Variants in CDH12 observed in about 807,000 individuals in gnomAD.
CDH12 encodes the protein cadherin-12.
Under a neutral mutation model 74.1 loss-of-function variants are expected in CDH12, and 41 were observed. The ratio of observed to expected loss-of-function variants is 0.55; its 90% CI spans 0.43 to 0.72. CDH12 has a LOEUF of 0.72. Ranked by LOEUF, CDH12 falls within the 30% of genes least tolerant of loss-of-function variation. The pLI is 0.00. For missense variants in CDH12, 945 were observed against 977.2 expected (o/e 0.97, Z 0.44); for synonymous variants, 399 against 355.0 (o/e 1.12, Z -1.39).
intron 3 of CDH12, among the ~76,000 whole-genome samples, chr5:22,301,081 T>C (rs1737861988): frequency 6.6e-6 from 1 of 152,210 alleles, no homozygotes; most frequent in Admixed American, 6.5e-5. Context: ...GTGTGGATTT[T>C]ATATACTTTG....
At chr5:22,351,817 CAT>C (rs2150465023) in intron 3 of CDH12, among the ~76,000 whole-genome samples, 1 of 152,250 alleles carries the variant, frequency 6.6e-6, no homozygotes, top group South Asian at 2.1e-4. Context: ...AGCTATTTGA[CAT>C]GTGTAAATCA....
Position 22,064,994 on chromosome 5 carries a change from G to A in CDH12, c.231+13452C>T, listed in dbSNP as rs551694484. Among the ~76,000 whole-genome samples the A allele has an allele frequency of 3.9e-4, 59 of 152,322 alleles. No homozygotes were observed. In the South Asian group the frequency reaches 0.012, roughly 30 times the overall value. On this transcript the variant is annotated intron_variant, in intron 5 of 14. Transcript: ENST00000382254. ...GCACTTGGAAAGCTGGAATGAGCAT[G>A]TTTGGGAAGACCTTGATGAAGCTGG... is the stretch of plus-strand genomic sequence containing the variant.
intron 1 of CDH12, among the ~76,000 whole-genome samples, chr5:22,738,281 AATATTTGC>A (rs1268695735): frequency 3.9e-5 from 6 of 152,058 alleles, no homozygotes; most frequent in African/African-American, 1.4e-4. Context: ...TAATTTTACT[AATATTTGC>A]TTTGCTCTAG....
chr5:22,016,057 T>G (rs534525316), intron 5 of CDH12, among the ~76,000 whole-genome samples: 2 of 152,260 alleles, frequency 1.3e-5, no homozygotes, highest in Admixed American at 1.3e-4. Context: ...TGATTTTCTA[T>G]TAAGATATGG....
intron 9 of CDH12, among the ~76,000 whole-genome samples, chr5:21,811,015 C>A (rs1336233985): frequency 1.3e-5 from 2 of 152,052 alleles, no homozygotes; most frequent in Non-Finnish European, 2.9e-5. Context: ...GACCAACTGG[C>A]ACCTTAGCCG....
At chr5:22,789,151 T>A (rs1240839492) in intron 1 of CDH12, among the ~76,000 whole-genome samples, 1 of 150,284 alleles carries the variant, frequency 6.7e-6, no homozygotes, top group Non-Finnish European at 1.5e-5. Context: ...AGAAAGAAAA[T>A]AAAAGGAAAA....
Position 22,651,060 on chromosome 5 carries a change from C to T in CDH12, c.-522-145696G>A, listed in dbSNP as rs1268070162. On this transcript the variant is annotated intron_variant, in intron 1 of 14. Coordinates refer to ENST00000382254, the MANE Select transcript of CDH12 (RefSeq NM_004061.5). ...AGATTTCCAATTATAAGATAACTTA[C>T]TCAAAGTATAGGTAGAGGGAATTAG... Among the ~76,000 whole-genome samples, 4 of 152,142 alleles carry T rather than the reference C, an allele frequency of 2.6e-5. No homozygotes were observed. In the East Asian group the frequency reaches 7.7e-4, roughly 29 times the overall value.
At chr5:22,120,797 A>G (rs1745464938) in intron 4 of CDH12, among the ~76,000 whole-genome samples, 1 of 152,122 alleles carries the variant, frequency 6.6e-6, no homozygotes. Context: ...ATGGAAGGCA[A>G]AGCATTAATT....
chr5:22,031,047 G>A (rs1379220252), intron 5 of CDH12, among the ~76,000 whole-genome samples: 3 of 152,176 alleles, frequency 2.0e-5, no homozygotes, highest in East Asian at 1.9e-4. Context: ...TTAAGAGAAC[G>A]TTGTGGGCCA....
chr5:22,437,342 T>C (rs1470916105), intron 2 of CDH12, among the ~76,000 whole-genome samples: 2 of 151,836 alleles, frequency 1.3e-5, no homozygotes, highest in Non-Finnish European at 2.9e-5. Context: ...CAAGAATCTA[T>C]AAAGAAAACA....
intron 6 of CDH12, chr5:21,882,547 C>A: frequency 8.4e-7 from 1 of 1,190,910 alleles, no homozygotes. Context: ...CGCCGACAAC[C>A]TGTCTCGCCG....
intron 4 of CDH12, among the ~76,000 whole-genome samples, chr5:22,208,969 T>C (rs1446259012): frequency 6.6e-6 from 1 of 152,244 alleles, no homozygotes; most frequent in Non-Finnish European, 1.5e-5. Flanking sequence ...AGTACGCTGG[T>C]TGGTTGTTGG....
chr5:22,107,224 C>T (rs1023603467), intron 4 of CDH12, among the ~76,000 whole-genome samples: 10 of 151,552 alleles, frequency 6.6e-5, no homozygotes, highest in Non-Finnish European at 1.3e-4. Context: ...TCTCTGCCTC[C>T]GAAGTTCAAG....
chr5:22,739,054 A>G (rs1319491910), intron 1 of CDH12, among the ~76,000 whole-genome samples: 5 of 152,060 alleles, frequency 3.3e-5, no homozygotes. Flanking sequence ...TATTCCATAT[A>G]TGTCTTTTAA....
At chr5:22,078,903 T>G (rs545386122) in intron 4 of CDH12, 41 bp from the exon 5 acceptor site, 13 of 1,098,178 alleles carry the variant, frequency 1.2e-5, no homozygotes, top group Non-Finnish European at 1.5e-5. Context: ...ATTAATGAAA[T>G]TGCATGATGA....
chr5:21,877,676 G>A (rs1242072148), intron 6 of CDH12, among the ~76,000 whole-genome samples: 1 of 152,178 alleles, frequency 6.6e-6, no homozygotes, highest in Admixed American at 6.5e-5. Flanking sequence ...GTCTGTTACA[G>A]AAATCAATGG....
At chr5:22,449,841 G>A (rs2126559801) in intron 2 of CDH12, among the ~76,000 whole-genome samples, 1 of 152,078 alleles carries the variant, frequency 6.6e-6, no homozygotes, top group Admixed American at 6.6e-5. Flanking sequence ...TGGAGAAGAG[G>A]TAATGCTACC....
At chr5:22,740,614 G>A (rs1176921440) in intron 1 of CDH12, among the ~76,000 whole-genome samples, 2 of 151,726 alleles carry the variant, frequency 1.3e-5, no homozygotes, top group African/African-American at 4.8e-5. Context: ...AGTATTTTTA[G>A]GACTGATATA....
Position 21,814,785 on chromosome 5 carries a change from A to G in CDH12, c.1002+2160T>C, listed in dbSNP as rs12657976. 1.5e-3 allele frequency among the ~76,000 whole-genome samples: 231 copies of G among 151,226 alleles called. 5 individuals are homozygous for G. The East Asian group carries it at 0.024, about 16-fold the overall frequency. On this transcript the variant is annotated intron_variant, in intron 9 of 14. Coordinates refer to ENST00000382254, the MANE Select transcript of CDH12 (RefSeq NM_004061.5). ...CTTCTTAATTTAAAATATTTTTTAT[A>G]TTATTAATGATTTTTATTTGTTCCA... is the stretch of plus-strand genomic sequence containing the variant.
Sources: gnomAD v4.1 joint callset for allele counts (sites outside exome capture counted in the v4.1 genomes callset) on GRCh38, gnomAD v4.1.1 for gene constraint, MANE v1.5 for transcripts, NCBI Gene and HGNC (gene_info 2026-07-23, HGNC 2026-07-21) for gene names.